Variants in NAPSA observed in about 807,000 individuals in gnomAD.
NAPSA encodes the protein napsin A aspartic peptidase, also known as napsin-A.
NAPSA carries 37 observed loss-of-function variants against 36.7 expected under a neutral mutation model. That is an observed-to-expected ratio of 1.01 (90% CI 0.78 to 1.33). The LOEUF is 1.33. Ranked by LOEUF, NAPSA falls within the 40% of genes most tolerant of loss-of-function variation. The probability of loss-of-function intolerance (pLI) is 0.00; values close to 1 mark genes in which losing one functional copy is unlikely to be tolerated. For synonymous variants in NAPSA, 222 were observed against 234.5 expected (o/e 0.95, Z 0.49); for missense variants, 532 against 543.8 (o/e 0.98, Z 0.21).
rs537386576 is a variant in NAPSA, at chr19:50,365,062, G to A, written c.83+477C>T. Among the ~76,000 whole-genome samples, 28 of 150,434 alleles carry A rather than the reference G, an allele frequency of 1.9e-4. No homozygotes were observed. In the South Asian group the frequency reaches 4.0e-3, roughly 21 times the overall value. On this transcript the variant is annotated intron_variant, in intron 1 of 8. Transcript: ENST00000253719. Reference sequence around the variant, plus strand: ...ATAAAAGGGCTCTGGTCAGCCAGGCGCGGTGGCTCACGCCTGTAATCCCAG... The same window carrying A: ...ATAAAAGGGCTCTGGTCAGCCAGGCACGGTGGCTCACGCCTGTAATCCCAG...
At chr19:50,362,668 G>A (rs1328527592) in intron 1 of NAPSA, 2 of 171,090 alleles carry the variant, frequency 1.2e-5, no homozygotes, top group Non-Finnish European at 1.2e-5. Context: ...GCTTCAGTTC[G>A]TGAGGTTAGG....
At chr19:50,367,549 CCTCTCT>C (rs779681679), upstream of NAPSA, among the ~76,000 whole-genome samples, 2,565 of 133,034 alleles carry the variant, frequency 0.019, 61 homozygotes, top group African/African-American at 0.057. Context: ...TCTCTCTCTC[CCTCTCT>C]CTCTCTCTCT....
intron 1 of NAPSA, among the ~76,000 whole-genome samples, chr19:50,364,546 C>A (rs113046607): frequency 0.023 from 2,952 of 126,458 alleles, 108 homozygotes; most frequent in African/African-American, 0.083. Flanking sequence ...ACCCGGGGGA[C>A]AGAGCTTGCA....
Position 50,361,148 on chromosome 19 carries a change from T to C in NAPSA, c.469-8A>G. 1.2e-6 allele frequency: 2 copies of C among 1,610,954 alleles called. No homozygotes were observed. Among genetic ancestry groups the C allele is most frequent in the South Asian group, 1.1e-5 (1 of 91,018 alleles). The stretch of plus-strand genomic sequence containing the variant: ...ACCCTTGATTCCACCAATCTAGGGG[T>C]AGATTGAGATGTGACCAGTTACTTT... On this transcript the variant is annotated splice_region_variant and splice_polypyrimidine_tract_variant and intron_variant, in intron 4 of 8. Transcript: ENST00000253719.
At position 50,358,608 on chromosome 19, in the gene NAPSA, G is replaced by A. The variant is rs780337410; in HGVS notation, c.1208C>T (p.Thr403Ile). 1 of 1,612,134 alleles carries A rather than the reference G, an allele frequency of 6.2e-7. No individual in the cohort carries two copies. The change falls in exon 9 of 9, where the codon ACT becomes ATT. Residue 403 changes from threonine (T) to isoleucine (I), a missense_variant. By Grantham distance (89) the Thr-to-Ile change is moderately conservative. Coordinates refer to ENST00000253719, the MANE Select transcript of NAPSA (RefSeq NM_004851.3). ...SARVGLARAR[T>I]RGADLGWGET... ...TCCCCATCCGAGGTCCGCTCCGCGA[G>A]TGCGAGCGCGCGCCAGGCCCACCCG...
chr19:50,368,605 C>G (rs2037578245), upstream of NAPSA, among the ~76,000 whole-genome samples: 1 of 152,196 alleles, frequency 6.6e-6, no homozygotes. Context: ...CACCACCCCC[C>G]TTTGTTTTCT....
At chr19:50,366,834 ATT>A (rs35429532), upstream of NAPSA, among the ~76,000 whole-genome samples, 125 of 138,196 alleles carry the variant, frequency 9.0e-4, no homozygotes, top group East Asian at 1.0e-3. Flanking sequence ...CCCTGGCTAA[ATT>A]TTTTTTTTTT....
At chr19:50,361,566 T>C (rs1441855006) in intron 4 of NAPSA, 97 bp downstream of exon 4, 2 of 1,063,970 alleles carry the variant, frequency 1.9e-6, no homozygotes, top group African/African-American at 3.1e-5. Flanking sequence ...ATCCATTGGC[T>C]TGGGAAGCTC....
At chr19:50,364,041 C>T (rs2037509098) in intron 1 of NAPSA, among the ~76,000 whole-genome samples, 4 of 152,152 alleles carry the variant, frequency 2.6e-5, no homozygotes, top group African/African-American at 9.7e-5. Context: ...ATGTCCTGGC[C>T]AGGCGCAGTG....
At chr19:50,363,955 G>A (rs1367595718) in intron 1 of NAPSA, among the ~76,000 whole-genome samples, 2 of 152,152 alleles carry the variant, frequency 1.3e-5, no homozygotes, top group Non-Finnish European at 2.9e-5. Flanking sequence ...GATGGGAGGA[G>A]TGTGTCACAG....
At chr19:50,361,601 G>A (rs1396612292) in intron 4 of NAPSA, 62 bp downstream of exon 4, 2 of 1,423,902 alleles carry the variant, frequency 1.4e-6, no homozygotes, top group African/African-American at 2.8e-5. Context: ...TCCTAAGCCA[G>A]ATGATCTTAG....
At chr19:50,368,460 C>T (rs1281913242), upstream of NAPSA, among the ~76,000 whole-genome samples, 3 of 152,132 alleles carry the variant, frequency 2.0e-5, no homozygotes, top group East Asian at 5.8e-4. Flanking sequence ...CCACTGCACT[C>T]CATCCCAGGT....
At position 50,361,091 on chromosome 19, in the gene NAPSA, T is replaced by C; in HGVS notation, c.518A>G (p.Glu173Gly). The C allele has an allele frequency of 6.2e-7, 1 of 1,613,798 alleles. No homozygotes were observed. Among genetic ancestry groups the C allele is most frequent in the Non-Finnish European group, 8.5e-7 (1 of 1,179,960 alleles). ...ASVIFGEALW[E>G]PSLVFAFAHF... Reference sequence around the variant, plus strand: ...GGCAAAAGCGAAGACCAGGCTGGGCTCCCAGAGAGCCTCCCCGAAAATCAC... The same window carrying C: ...GGCAAAAGCGAAGACCAGGCTGGGCCCCCAGAGAGCCTCCCCGAAAATCAC... The change falls in exon 5 of 9, where the codon GAG becomes GGG. Residue 173 changes from glutamate (E) to glycine (G), a missense_variant. This residue lies in a region of NAPSA where 385 missense variants were observed against 371.5 expected (regional missense o/e 1.04). Transcript: ENST00000253719.
At chr19:50,365,150 A>G (rs1228187560) in intron 1 of NAPSA, among the ~76,000 whole-genome samples, 2 of 151,818 alleles carry the variant, frequency 1.3e-5, no homozygotes, top group Non-Finnish European at 2.9e-5. Context: ...CCTGGCCAAC[A>G]TGGTGAAACC....
chr19:50,359,022 A>C lies in NAPSA; in HGVS notation c.1024T>G (p.Tyr342Asp), dbSNP rs770273124. ...TGATGGCCACCTACCTGGATGACGT[A>C]ATCATGGGCCGTGAGGTTAAACCAG... ...GVWFNLTAHD[Y>D]VIQTTRNGVR... is the part of the protein sequence containing the mutation. Residue 342 changes from tyrosine to aspartate, a missense_variant, in exon 8 of 9, where the codon TAC (tyrosine) becomes GAC (aspartate). By Grantham distance (160) the Tyr-to-Asp change is radical (BLOSUM62 -3). Coordinates refer to ENST00000253719, the MANE Select transcript of NAPSA (RefSeq NM_004851.3). 1 of 1,613,732 alleles carries C rather than the reference A, an allele frequency of 6.2e-7. No homozygotes were observed. Among genetic ancestry groups the C allele is most frequent in the Non-Finnish European group, 8.5e-7 (1 of 1,179,650 alleles).
chr19:50,364,068 C>G (rs941285814), intron 1 of NAPSA, among the ~76,000 whole-genome samples: 4 of 152,046 alleles, frequency 2.6e-5, no homozygotes, highest in African/African-American at 7.2e-5. Flanking sequence ...GCCTGTAATC[C>G]CAGCACTTTG....
chr19:50,359,428 C>G (rs2037441366), intron 7 of NAPSA, 75 bp downstream of exon 7: 2 of 1,591,154 alleles, frequency 1.3e-6, no homozygotes, highest in Non-Finnish European at 1.7e-6. Context: ...TGCCTCCCAC[C>G]CTCAGGCCCT....
In NAPSA at chr19:50,359,101, G is replaced by A. The variant is rs1286578686; in HGVS notation, c.945C>T (p.Ile315=). 1.9e-6 allele frequency: 3 copies of A among 1,613,112 alleles called. No individual in the cohort carries two copies. In the African/African-American group the frequency reaches 4.0e-5, roughly 22 times the overall value. ...GIPLLAGEYI[I]LCSEIPKLPA... is the part of the protein sequence containing the mutation. ...GGAGCTTTGGGATTTCCGAGCACAG[G>A]ATGATGTACTGGGGGAGAAGAGGAA... The change falls in exon 8 of 9, where the codon ATC becomes ATT. Residue 315 remains isoleucine, a synonymous_variant. Coordinates refer to ENST00000253719, the MANE Select transcript of NAPSA (RefSeq NM_004851.3).
At chr19:50,366,689 A>C (rs1163038545), upstream of NAPSA, among the ~76,000 whole-genome samples, 2 of 150,620 alleles carry the variant, frequency 1.3e-5, no homozygotes, top group Non-Finnish European at 2.9e-5. Flanking sequence ...TTATTTATTT[A>C]GATGGAGTTT....
Sources: allele counts gnomAD v4.1 joint callset (sites outside exome capture counted in the v4.1 genomes callset), GRCh38; gene constraint gnomAD v4.1.1; regional missense constraint gnomAD v4.1.1; transcripts MANE v1.5; gene names NCBI Gene and HGNC (gene_info 2026-07-23, HGNC 2026-07-21).